The following TNIP1 variants were observed in gnomAD, a reference collection of about 807,000 sequenced individuals.
The protein encoded by TNIP1 is TNFAIP3-interacting protein 1.
A neutral mutation model predicts 86.6 loss-of-function variants in TNIP1; 22 were observed. The observed-to-expected ratio is 0.25, with a 90% CI of 0.18 to 0.36. The LOEUF (loss-of-function observed/expected upper bound fraction) is 0.36. Ranked by LOEUF, TNIP1 falls within the 10% of genes least tolerant of loss-of-function variation. The pLI is 1.00. For synonymous variants in TNIP1, 294 were observed against 313.0 expected (o/e 0.94, Z 0.64); for missense variants, 709 against 820.6 (o/e 0.86, Z 1.66).
intron 16 of TNIP1, chr5:151,032,656 T>C (rs1757055290): frequency 2.2e-6 from 1 of 449,596 alleles, no homozygotes; most frequent in Non-Finnish European, 4.0e-6. Flanking sequence ...TACTATATAC[T>C]CTGGTGTTTA....
chr5:151,059,779 CAGAGAGAGAG>C (rs55637016), intron 5 of TNIP1, among the ~76,000 whole-genome samples: 2,683 of 67,402 alleles, frequency 0.04, 52 homozygotes, highest in East Asian at 0.13. Flanking sequence ...GTACGAGAGA[CAGAGAGAGAG>C]AGAGAGAGAG....
At chr5:151,085,521 T>A (rs1331659660), upstream of TNIP1, among the ~76,000 whole-genome samples, 1 of 152,234 alleles carries the variant, frequency 6.6e-6, no homozygotes, top group African/African-American at 2.4e-5. Context: ...TCCCAACTAT[T>A]TTCCCTGTGT....
chr5:151,067,505 G>A (rs1762372715), intron 1 of TNIP1, among the ~76,000 whole-genome samples: 1 of 152,226 alleles, frequency 6.6e-6, no homozygotes, highest in South Asian at 2.1e-4. Flanking sequence ...GCTACAAGGG[G>A]CCTGGAGCCA....
Position 151,056,673 on chromosome 5 carries a change from T to TG in TNIP1, c.627+92dup, listed in dbSNP as rs972113013. On this transcript the variant is annotated intron_variant, in intron 6 of 17. Coordinates refer to ENST00000521591, the MANE Select transcript of TNIP1 (RefSeq NM_006058.5). ...ACAACACAGCCTTCAGAAGTCCCCA[T>TG]GGTACCAGTGGATTCCCAGGAGCAG... The TG allele has an allele frequency of 5.5e-6, 7 of 1,262,470 alleles. No homozygotes were observed. In the African/African-American group the frequency reaches 1.1e-4, roughly 20 times the overall value. The allele number at this position is 1,262,470 out of a possible 1,614,324, so 78.2% of individuals were successfully genotyped here.
intron 8 of TNIP1, among the ~76,000 whole-genome samples, chr5:151,046,983 G>C (rs557443437): frequency 6.6e-6 from 1 of 152,262 alleles, no homozygotes; most frequent in South Asian, 2.1e-4. Flanking sequence ...GCTGCAGGTG[G>C]AGATCCACCA....
chr5:151,079,646 G>C (rs1441952541), intron 1 of TNIP1, among the ~76,000 whole-genome samples: 4 of 151,716 alleles, frequency 2.6e-5, no homozygotes, highest in Admixed American at 2.6e-4. Flanking sequence ...GATTAAATGA[G>C]ATACGGAATG....
rs1032091173 is a variant in TNIP1 at position 151,059,534 on chromosome 5, C to T, written c.435+784G>A. On this transcript the variant is annotated intron_variant, in intron 5 of 17. Transcript: ENST00000521591. ...CAGGGATCAATATATCAGTGAAGGG[C>T]TAGAGCACCTATTGCTCGCATAACA... is the stretch of plus-strand genomic sequence containing the variant. Among the ~76,000 whole-genome samples the T allele has an allele frequency of 8.5e-5, 13 of 152,180 alleles. No homozygotes were observed. In the South Asian group the frequency reaches 1.2e-3, roughly 15 times the overall value.
At chr5:151,085,694 C>G (rs1249192140), upstream of TNIP1, among the ~76,000 whole-genome samples, 1 of 151,636 alleles carries the variant, frequency 6.6e-6, no homozygotes, top group Non-Finnish European at 1.5e-5. Flanking sequence ...CAGCGTCTCT[C>G]CCCCTGGCCT....
intron 6 of TNIP1, among the ~76,000 whole-genome samples, chr5:151,053,113 T>C (rs1045348734): frequency 2.7e-5 from 4 of 146,416 alleles, no homozygotes; most frequent in Non-Finnish European, 6.0e-5. Context: ...TTTTTTTTTT[T>C]TTTTTTTTTT....
chr5:151,064,690 C>T (rs1389538819), intron 2 of TNIP1, among the ~76,000 whole-genome samples: 1 of 152,202 alleles, frequency 6.6e-6, no homozygotes, highest in Non-Finnish European at 1.5e-5. Context: ...GCCTTCCAGC[C>T]CCCTTTCCCT....
intron 5 of TNIP1, among the ~76,000 whole-genome samples, chr5:151,059,818 AGAGAGAGAGAGTGTGTGT>A (rs1219842989): frequency 1.9e-5 from 2 of 102,980 alleles, no homozygotes; most frequent in African/African-American, 5.0e-5. Context: ...AGAGAGAGAG[AGAGAGAGAGAGTGTGTGT>A]GTGTGTGTGT....
intron 4 of TNIP1, among the ~76,000 whole-genome samples, chr5:151,060,640 G>A (rs1761443824): frequency 6.6e-6 from 1 of 152,224 alleles, no homozygotes; most frequent in Admixed American, 6.5e-5. Flanking sequence ...GGAGATGTGG[G>A]ACTAGCTGAC....
rs1463861772 is a variant in TNIP1 at position 151,045,912 on chromosome 5, G to A, written c.885C>T (p.Ala295=). 1 of 1,613,998 alleles carries A rather than the reference G, an allele frequency of 6.2e-7. No individual in the cohort carries two copies. The highest frequency in any genetic ancestry group is 8.5e-7 in the Non-Finnish European group (1 of 1,180,036). Residue 295 remains alanine (A), a synonymous_variant, in exon 9 of 18, where the codon GCC becomes GCT. Transcript: ENST00000521591. The part of the protein sequence containing the change: ...VTAGKVPEVV[A]LGAAEKKVKM... ...TCACCTTCTTCTCGGCTGCGCCCAA[G>A]GCCACCACCTCTGGGACCTTACCTG...
At chr5:151,047,372 CA>C (rs764100298) in intron 8 of TNIP1, among the ~76,000 whole-genome samples, 1 of 152,130 alleles carries the variant, frequency 6.6e-6, no homozygotes, top group Non-Finnish European at 1.5e-5. Flanking sequence ...CAGTACAACT[CA>C]AAAGTTTCAA....
chr5:151,075,319 CT>C (rs1364644853), intron 1 of TNIP1, among the ~76,000 whole-genome samples: 1 of 152,068 alleles, frequency 6.6e-6, no homozygotes, highest in East Asian at 1.9e-4. Flanking sequence ...TTCAATTTTT[CT>C]TTTTTCTTTT....
intron 1 of TNIP1, among the ~76,000 whole-genome samples, chr5:151,073,384 T>C (rs1298891907): frequency 6.6e-6 from 1 of 152,170 alleles, no homozygotes. Context: ...TGCTTTGTAA[T>C]AGACATTTTT....
intron 6 of TNIP1, among the ~76,000 whole-genome samples, chr5:151,053,549 G>A (rs1760250180): frequency 6.6e-6 from 1 of 152,204 alleles, no homozygotes; most frequent in South Asian, 2.1e-4. Flanking sequence ...GTGAACTGGG[G>A]GCATGGAAGA....
intron 4 of TNIP1, among the ~76,000 whole-genome samples, chr5:151,061,304 C>G (rs1761535254): frequency 6.6e-6 from 1 of 152,158 alleles, no homozygotes; most frequent in Admixed American, 6.5e-5. Context: ...AAGAACTCAC[C>G]TCTGGCTCTT....
At chr5:151,084,417 C>T (rs1764196322), upstream of TNIP1, among the ~76,000 whole-genome samples, 1 of 150,236 alleles carries the variant, frequency 6.7e-6, no homozygotes, top group South Asian at 2.1e-4. Flanking sequence ...TGCACTCCAG[C>T]CTGGGGACAA....
Sources: gnomAD v4.1 joint callset for allele counts (sites outside exome capture counted in the v4.1 genomes callset) on GRCh38, gnomAD v4.1.1 for gene constraint, MANE v1.5 for transcripts, NCBI Gene and HGNC (gene_info 2026-07-23, HGNC 2026-07-21) for gene names.